Variants in KCNIP4 observed in about 807,000 individuals in gnomAD.
The protein encoded by KCNIP4 is potassium voltage-gated channel interacting protein 4, also known as Kv channel-interacting protein 4.
Under a neutral mutation model 34.0 loss-of-function variants are expected in KCNIP4, and 12 were observed. The observed-to-expected ratio is 0.35, with a 90% confidence interval of 0.23 to 0.57. The LOEUF (loss-of-function observed/expected upper bound fraction) is 0.57. Among genes scored for constraint, KCNIP4 ranks in the 20% least tolerant of loss-of-function variants. The pLI is 0.83. For synonymous variants in KCNIP4, 124 were observed against 102.2 expected, an observed-to-expected ratio of 1.21 and a Z score of -1.29; for missense variants, 238 against 311.7, an observed-to-expected ratio of 0.76 and a Z score of 1.78.
chr4:21,848,724 T>C (rs1724177996), intron 1 of KCNIP4: 2 of 152,088 alleles, frequency 1.3e-5, no homozygotes, highest in Admixed American at 1.3e-4. Context: ...AGATTTCAGA[T>C]GGCACCCACC....
intron 3 of KCNIP4, among the ~76,000 whole-genome samples, chr4:20,830,883 G>A (rs1718346156): frequency 6.6e-6 from 1 of 152,146 alleles, no homozygotes; most frequent in African/African-American, 2.4e-5. Flanking sequence ...GAATTCCAGA[G>A]GCAGTTTGGA....
At chr4:20,947,732 A>T (rs1411363882) in intron 1 of KCNIP4, among the ~76,000 whole-genome samples, 1 of 152,238 alleles carries the variant, frequency 6.6e-6, no homozygotes, top group Non-Finnish European at 1.5e-5. Flanking sequence ...ACAACAGTCA[A>T]CACTGACGTT....
chr4:21,360,573 T>C (rs1202468140), intron 1 of KCNIP4, among the ~76,000 whole-genome samples: 2 of 152,058 alleles, frequency 1.3e-5, no homozygotes, highest in Non-Finnish European at 2.9e-5. Context: ...TTTAAAAGTA[T>C]GAGAATACAA....
At chr4:20,893,108 G>C (rs1456791408) in intron 1 of KCNIP4, among the ~76,000 whole-genome samples, 1 of 152,098 alleles carries the variant, frequency 6.6e-6, no homozygotes, top group Non-Finnish European at 1.5e-5. Context: ...TAAATTATAT[G>C]TTCATGCAAT....
At chr4:20,984,128 C>T (rs1377448410) in intron 1 of KCNIP4, 4 of 726,134 alleles carry the variant, frequency 5.5e-6, no homozygotes, top group Non-Finnish European at 8.6e-6. Context: ...CATGCTGATC[C>T]TGGCATTTGG....
chr4:21,432,952 C>T (rs1726622444), intron 1 of KCNIP4, among the ~76,000 whole-genome samples: 1 of 151,982 alleles, frequency 6.6e-6, no homozygotes, highest in South Asian at 2.1e-4. Context: ...TTTCTGAATT[C>T]TGAAACAAGG....
At chr4:21,074,897 C>T (rs1439693792) in intron 1 of KCNIP4, among the ~76,000 whole-genome samples, 1 of 152,024 alleles carries the variant, frequency 6.6e-6, no homozygotes, top group African/African-American at 2.4e-5. Context: ...CGTTATGTAC[C>T]CAGTAGTCAT....
chr4:21,548,701 G>A (rs1738333911), intron 1 of KCNIP4, among the ~76,000 whole-genome samples: 1 of 151,862 alleles, frequency 6.6e-6, no homozygotes, highest in Non-Finnish European at 1.5e-5. Context: ...GATCACAAGA[G>A]CCAATTACTT....
intron 1 of KCNIP4, among the ~76,000 whole-genome samples, chr4:21,639,377 A>G (rs1021631078): frequency 2.6e-5 from 4 of 152,186 alleles, no homozygotes; most frequent in Non-Finnish European, 4.4e-5. Context: ...CGAAATACCT[A>G]AGAAATTGAG....
At chr4:21,277,004 C>T (rs137894642) in intron 1 of KCNIP4, among the ~76,000 whole-genome samples, 36 of 152,252 alleles carry the variant, frequency 2.4e-4, no homozygotes, top group Non-Finnish European at 4.1e-4. Flanking sequence ...ATGCTAAGCA[C>T]GGTGTGAAGT....
At chr4:21,405,001 A>G (rs1251443216) in intron 1 of KCNIP4, among the ~76,000 whole-genome samples, 2 of 152,102 alleles carry the variant, frequency 1.3e-5, no homozygotes, top group Non-Finnish European at 2.9e-5. Context: ...AAGAACCTTG[A>G]TGTCAGTTTA....
At chr4:21,178,752 T>C (rs567823068) in intron 1 of KCNIP4, among the ~76,000 whole-genome samples, 1 of 152,092 alleles carries the variant, frequency 6.6e-6, no homozygotes, top group Non-Finnish European at 1.5e-5. Context: ...CCATATCTCC[T>C]GTGTCACTGA....
At chr4:21,600,010 C>T (rs963649684) in intron 1 of KCNIP4, among the ~76,000 whole-genome samples, 1 of 152,022 alleles carries the variant, frequency 6.6e-6, no homozygotes, top group African/African-American at 2.4e-5. Flanking sequence ...GATTCTGCTG[C>T]AGGTGGTCCT....
At chr4:21,365,522 T>TAAAA (rs1158843915) in intron 1 of KCNIP4, among the ~76,000 whole-genome samples, 2 of 113,444 alleles carry the variant, frequency 1.8e-5, no homozygotes, top group East Asian at 2.6e-4. Flanking sequence ...AATAAATAAA[T>TAAAA]AAAAAATAAA....
chr4:21,924,439 T>C (rs1328706115), intron 1 of KCNIP4, among the ~76,000 whole-genome samples: 2 of 151,816 alleles, frequency 1.3e-5, no homozygotes, highest in Non-Finnish European at 2.9e-5. Flanking sequence ...AGAGACAGGG[T>C]TTCACTGTGT....
At chr4:21,093,721 A>C in intron 1 of KCNIP4, among the ~76,000 whole-genome samples, 1 of 152,202 alleles carries the variant, frequency 6.6e-6, no homozygotes, top group East Asian at 1.9e-4. Context: ...TAGCTATAAA[A>C]ATTAGAAAAT....
intron 1 of KCNIP4, among the ~76,000 whole-genome samples, chr4:21,914,228 A>G (rs534680434): frequency 1.3e-5 from 2 of 152,320 alleles, no homozygotes; most frequent in Admixed American, 6.5e-5. Context: ...GCATAAGCCA[A>G]AAGATGATGG....
At chr4:21,905,671 T>C (rs1727959842) in intron 1 of KCNIP4, among the ~76,000 whole-genome samples, 1 of 152,132 alleles carries the variant, frequency 6.6e-6, no homozygotes, top group African/African-American at 2.4e-5. Context: ...TCTCCTTTCT[T>C]TCAAAAAGCC....
intron 1 of KCNIP4, among the ~76,000 whole-genome samples, chr4:21,220,778 T>C (rs922384586): frequency 6.6e-6 from 1 of 152,152 alleles, no homozygotes; most frequent in Non-Finnish European, 1.5e-5. Flanking sequence ...TCACTTTTAG[T>C]TTCTAAAAGT....
Sources: allele counts gnomAD v4.1 joint callset (sites outside exome capture counted in the v4.1 genomes callset), GRCh38; gene constraint gnomAD v4.1.1; transcripts MANE v1.5; gene names NCBI Gene and HGNC (gene_info 2026-07-23, HGNC 2026-07-21).